ENTHD1: variants seen among roughly 807,000 people sequenced by gnomAD.
ENTHD1 encodes ENTH domain containing 1, also known as ENTH domain-containing protein 1.
A neutral mutation model predicts 39.1 loss-of-function variants in ENTHD1; 23 were observed. The ratio of observed to expected loss-of-function variants is 0.59; its 90% CI spans 0.42 to 0.83. The LOEUF (loss-of-function observed/expected upper bound fraction) is 0.83, where lower values mean the gene tolerates loss of function less well. ENTHD1 is among the 40% of genes least tolerant of loss of function. The pLI, the probability that ENTHD1 is intolerant of heterozygous loss-of-function variation, is 0.00. For missense variants in ENTHD1, 624 were observed against 705.4 expected (o/e 0.88, Z 1.31); for synonymous variants, 230 against 258.2 (o/e 0.89, Z 1.05).
In ENTHD1 at chr22:39,762,288, T is replaced by C. The variant is rs1034667833; in HGVS notation, c.1219+2935A>G. ...CTCAGTCTCCTCTTTTAGGTTTTCA[T>C]TGATAACTTTCCAGCTTCCCTGCCA... On this transcript the variant is annotated intron_variant, in intron 6 of 6. Transcript: ENST00000325157. Among the ~76,000 whole-genome samples, 4 of 152,320 alleles carry C rather than the reference T, an allele frequency of 2.6e-5. No individual in the cohort carries two copies. In the East Asian group the frequency reaches 5.8e-4, roughly 22 times the overall value.
At position 39,744,186 on chromosome 22, in the gene ENTHD1, T is replaced by G; in HGVS notation, c.1317A>C (p.Pro439=). 6.2e-7 allele frequency: 1 copy of G among 1,614,012 alleles called. No homozygotes were observed. Among genetic ancestry groups the G allele is most frequent in the Non-Finnish European group, 8.5e-7 (1 of 1,179,976 alleles). The change falls in exon 7 of 7, where the codon CCA becomes CCC. Residue 439 remains proline, a synonymous_variant. Coordinates refer to ENST00000325157, the MANE Select transcript of ENTHD1 (RefSeq NM_152512.4). Reference sequence around the variant, plus strand: ...TCCAGAAGGAAGGTCCGGCCAGAATTGGTGATAAGAGATGAGCTGACTTCT... The same window carrying G: ...TCCAGAAGGAAGGTCCGGCCAGAATGGGTGATAAGAGATGAGCTGACTTCT... ...SPEKSAHLLS[P]ILAGPSFWTL...
chr22:39,777,977 G>A (rs1459427025), intron 5 of ENTHD1, among the ~76,000 whole-genome samples: 1 of 152,200 alleles, frequency 6.6e-6, no homozygotes, highest in Non-Finnish European at 1.5e-5. Flanking sequence ...TGAACAAGAT[G>A]AGCAGGTGCC....
At chr22:39,890,613 C>T (rs891223637) in intron 1 of ENTHD1, among the ~76,000 whole-genome samples, 35 of 151,942 alleles carry the variant, frequency 2.3e-4, no homozygotes, top group African/African-American at 6.8e-4. Context: ...CATTCTCTAA[C>T]CTATATTTTA....
chr22:39,802,197 T>A (rs1003437251), intron 5 of ENTHD1, among the ~76,000 whole-genome samples: 1 of 152,216 alleles, frequency 6.6e-6, no homozygotes, highest in Non-Finnish European at 1.5e-5. Flanking sequence ...CCAGCACTCC[T>A]GTAACAAAAA....
chr22:39,871,775 G>C (rs1414740678), intron 2 of ENTHD1, among the ~76,000 whole-genome samples: 1 of 152,142 alleles, frequency 6.6e-6, no homozygotes, highest in African/African-American at 2.4e-5. Flanking sequence ...TGTTGAAAAG[G>C]AACACAAGGC....
intron 3 of ENTHD1, among the ~76,000 whole-genome samples, chr22:39,840,704 T>C (rs2065936939): frequency 6.6e-6 from 1 of 152,168 alleles, no homozygotes; most frequent in African/African-American, 2.4e-5. Flanking sequence ...TTTTACAGAA[T>C]TGTGAATTTG....
chr22:39,743,187 A>C lies in ENTHD1; in HGVS notation c.*492T>G, dbSNP rs1395968201. ...CTAACACTAGCATCTGGAAGAAAGA[A>C]AAGATTTCTGGCCCTTGGTTGCAGA... On this transcript the variant is annotated 3_prime_UTR_variant, in exon 7 of 7. Coordinates refer to ENST00000325157, the MANE Select transcript of ENTHD1 (RefSeq NM_152512.4). The C allele has an allele frequency of 6.6e-6, 1 of 152,532 alleles. No individual in the cohort carries two copies. The highest frequency in any genetic ancestry group is 2.4e-5 in the African/African-American group (1 of 41,464). 9.4% of individuals were successfully genotyped at this position (152,532 alleles called of 1,614,324 possible). A position where few individuals can be genotyped will look rare whatever the true frequency, so the allele number is the denominator to read the frequency against.
intron 5 of ENTHD1, among the ~76,000 whole-genome samples, chr22:39,816,725 A>G (rs1011821279): frequency 6.6e-6 from 1 of 152,158 alleles, no homozygotes; most frequent in Non-Finnish European, 1.5e-5. Flanking sequence ...AACTTGGTAT[A>G]AGAAAAGCCA....
At position 39,744,963 on chromosome 22, in the gene ENTHD1, T is replaced by G. The variant is rs187177207; in HGVS notation, c.1220-680A>C. On this transcript the variant is annotated intron_variant, in intron 6 of 6. Transcript: ENST00000325157. ...TACTTCCTTTCTGGCAAAATCATAT[T>G]AAATCTCCCACACTTTATTCTAAAT... 3.7e-3 allele frequency among the ~76,000 whole-genome samples: 559 copies of G among 152,276 alleles called. 5 individuals carry two copies. The highest frequency in any genetic ancestry group is 0.012 in the African/African-American group (493 of 41,544).
At chr22:39,808,535 C>A (rs1369426066) in intron 5 of ENTHD1, among the ~76,000 whole-genome samples, 2 of 152,170 alleles carry the variant, frequency 1.3e-5, no homozygotes, top group African/African-American at 4.8e-5. Context: ...AGGTCATGGT[C>A]ATTTTAATCA....
intron 2 of ENTHD1, among the ~76,000 whole-genome samples, chr22:39,883,992 A>C (rs2066361098): frequency 6.6e-6 from 1 of 152,128 alleles, no homozygotes; most frequent in Non-Finnish European, 1.5e-5. Flanking sequence ...AAAACTTAAG[A>C]CATGAAAGAC....
intron 4 of ENTHD1, among the ~76,000 whole-genome samples, chr22:39,826,243 T>G (rs533006250): frequency 4.0e-4 from 61 of 152,228 alleles, no homozygotes; most frequent in Non-Finnish European, 7.2e-4. Context: ...AGTGGTTATC[T>G]CTTGTCTCAT....
intron 5 of ENTHD1, among the ~76,000 whole-genome samples, chr22:39,784,543 TACACACACACACACACACACACAC>T (rs3044403): frequency 7.7e-4 from 109 of 142,256 alleles, no homozygotes; most frequent in Non-Finnish European, 1.3e-3. Context: ...TCTCTCTGTA[TACACACACACACACACACACACAC>T]ACACACACAC....
chr22:39,820,116 C>T (rs1348587661), intron 5 of ENTHD1, among the ~76,000 whole-genome samples: 1 of 152,146 alleles, frequency 6.6e-6, no homozygotes, highest in Non-Finnish European at 1.5e-5. Context: ...ATTCTCACAA[C>T]TGGCTTTGTA....
chr22:39,842,637 T>C (rs113135268), intron 3 of ENTHD1, among the ~76,000 whole-genome samples: 1 of 151,798 alleles, frequency 6.6e-6, no homozygotes, highest in Admixed American at 6.6e-5. Flanking sequence ...AGAGCTTCTG[T>C]ACAGCAAAAG....
chr22:39,781,231 G>A (rs1017321372), intron 5 of ENTHD1, among the ~76,000 whole-genome samples: 4 of 152,066 alleles, frequency 2.6e-5, no homozygotes, highest in African/African-American at 7.2e-5. Context: ...CACAAGGGCC[G>A]TTGTCCAGAA....
rs576700773 is a variant in ENTHD1, at chr22:39,817,997, G to A, written c.832+2996C>T. ...CCTTCCTCCATGGAGAGGTTGTAGG[G>A]GGGTCTATGTCCCCACCCCCTTAAA... On this transcript the variant is annotated intron_variant, in intron 5 of 6. Transcript: ENST00000325157. 2.6e-5 allele frequency among the ~76,000 whole-genome samples: 4 copies of A among 152,296 alleles called. No homozygotes were observed. The East Asian group carries it at 7.7e-4, about 29-fold the overall frequency.
chr22:39,765,194 G>A, intron 6 of ENTHD1, 29 bp downstream of exon 6: 1 of 1,549,064 alleles, frequency 6.5e-7, no homozygotes, highest in Non-Finnish European at 8.7e-7. Context: ...GTGTGTGTGT[G>A]TGTGTGTGTG....
intron 5 of ENTHD1, among the ~76,000 whole-genome samples, chr22:39,770,923 C>G (rs2065316642): frequency 6.6e-6 from 1 of 152,122 alleles, no homozygotes; most frequent in Non-Finnish European, 1.5e-5. Flanking sequence ...GGAATATTTG[C>G]ATTATACTAC....
Sources: allele counts gnomAD v4.1 joint callset (sites outside exome capture counted in the v4.1 genomes callset), GRCh38; gene constraint gnomAD v4.1.1; transcripts MANE v1.5; gene names NCBI Gene and HGNC (gene_info 2026-07-23, HGNC 2026-07-21).